The following CACNA1C variants were observed in gnomAD, a reference collection of about 807,000 sequenced individuals.
CACNA1C encodes the protein voltage-dependent L-type calcium channel subunit alpha-1C.
A neutral mutation model predicts 229.0 loss-of-function variants in CACNA1C; 30 were observed. The observed-to-expected ratio is 0.13, with a 90% confidence interval of 0.10 to 0.18. The LOEUF is 0.18. Among genes scored for constraint, CACNA1C ranks in the 10% least tolerant of loss-of-function variants. The probability of loss-of-function intolerance (pLI) is 1.00; values close to 1 mark genes in which losing one functional copy is unlikely to be tolerated. For synonymous variants in CACNA1C, 1,114 were observed against 1,132.5 expected, an observed-to-expected ratio of 0.98 and a Z score of 0.33; for missense variants, 1,658 against 2,845.0, an observed-to-expected ratio of 0.58 and a Z score of 9.49.
chr12:2,594,357 G>A (rs1289464947), intron 19 of CACNA1C, among the ~76,000 whole-genome samples: 2 of 152,152 alleles, frequency 1.3e-5, no homozygotes, highest in Non-Finnish European at 2.9e-5. Flanking sequence ...TGTCCTCCCT[G>A]TTTCTTAGAG....
chr12:2,605,213 G>A lies in CACNA1C; in HGVS notation c.3048+45G>A, dbSNP rs760557641. The A allele has an allele frequency of 8.1e-6, 11 of 1,354,992 alleles. No homozygotes were observed. Among genetic ancestry groups the A allele is most frequent in the African/African-American group, 1.4e-5 (1 of 69,792 alleles). 83.9% of individuals were successfully genotyped at this position (1,354,992 alleles called of 1,614,324 possible). ...AGGGAGTCTCCAGCCAGCCCATTGG[G>A]GAGTGGGAGCTCCACAGAGGTGAGG... On this transcript the variant is annotated intron_variant, in intron 23 of 46. Transcript: ENST00000399655. The surrounding 1 kb of genome is among the most constrained non-coding windows in gnomAD (Gnocchi z 6.2).
chr12:2,309,495 A>G (rs2095302098), intron 3 of CACNA1C, among the ~76,000 whole-genome samples: 1 of 147,578 alleles, frequency 6.8e-6, no homozygotes, highest in Non-Finnish European at 1.5e-5. Flanking sequence ...ACACACATAC[A>G]CACACACACA....
intron 3 of CACNA1C, among the ~76,000 whole-genome samples, chr12:2,255,920 C>G (rs1386968487): frequency 6.6e-6 from 1 of 151,834 alleles, no homozygotes; most frequent in African/African-American, 2.4e-5. Context: ...CGACCCTGAC[C>G]TTACTAGTTT....
At chr12:1,978,131 C>T (rs1292445092) in intron 1 of CACNA1C, among the ~76,000 whole-genome samples, 1 of 152,122 alleles carries the variant, frequency 6.6e-6, no homozygotes. Context: ...AAAGAGAAAT[C>T]TTGCTTCTCT....
intron 3 of CACNA1C, among the ~76,000 whole-genome samples, chr12:2,334,643 AAAT>A (rs1399819508): frequency 6.6e-6 from 1 of 152,140 alleles, no homozygotes; most frequent in African/African-American, 2.4e-5. Flanking sequence ...CGTTTCTACA[AAAT>A]AATATTTTTT....
intron 28 of CACNA1C, 45 bp downstream of exon 28, chr12:2,610,744 G>C: frequency 6.2e-7 from 1 of 1,602,054 alleles, no homozygotes; most frequent in Non-Finnish European, 8.6e-7. Flanking sequence ...AGAAGGGAGT[G>C]TGCCATGGGG....
At chr12:2,234,424 C>T (rs1031691437) in intron 3 of CACNA1C, among the ~76,000 whole-genome samples, 3 of 152,164 alleles carry the variant, frequency 2.0e-5, no homozygotes, top group Admixed American at 2.0e-4. Flanking sequence ...TGTGAGGGCA[C>T]CATGGGTCAC....
At chr12:2,450,395 A>G (rs1210681478) in intron 4 of CACNA1C, among the ~76,000 whole-genome samples, 1 of 151,774 alleles carries the variant, frequency 6.6e-6, no homozygotes, top group Non-Finnish European at 1.5e-5. Context: ...TCTACTAAAA[A>G]TACAAAAACT....
chr12:2,569,327 C>G (rs564814104), intron 13 of CACNA1C, among the ~76,000 whole-genome samples: 1 of 151,748 alleles, frequency 6.6e-6, no homozygotes, highest in African/African-American at 2.4e-5. Context: ...TAATTCATAT[C>G]CCATATATTT....
chr12:2,573,360 T>C (rs1008523658), intron 13 of CACNA1C, among the ~76,000 whole-genome samples: 2 of 152,260 alleles, frequency 1.3e-5, no homozygotes, highest in African/African-American at 4.8e-5. Context: ...TTCTCCATAC[T>C]GTAGTCTCTA....
At chr12:2,245,681 T>C (rs1379065597) in intron 3 of CACNA1C, among the ~76,000 whole-genome samples, 1 of 152,198 alleles carries the variant, frequency 6.6e-6, no homozygotes, top group African/African-American at 2.4e-5. Flanking sequence ...GAAAGTTCAT[T>C]TATTATCCCT....
At position 2,665,111 on chromosome 12, in the gene CACNA1C, G is replaced by A; in HGVS notation, c.4398+121G>A. On this transcript the variant is annotated intron_variant, in intron 35 of 46. Transcript: ENST00000399655. This position sits in a 1 kb window ranked among gnomAD's most constrained non-coding sequence, Gnocchi z 5.9. ...CCTATCAGAGGAGCTGGCTTGGGAA[G>A]ACTAAGTTGGCAGGAGTGTCCAGCC... 1 of 1,039,322 alleles carries A rather than the reference G, an allele frequency of 9.6e-7. No individual in the cohort carries two copies. The highest frequency in any genetic ancestry group is 1.4e-6 in the Non-Finnish European group (1 of 706,516). The allele number at this position is 1,039,322 out of a possible 1,614,324, so 64.4% of individuals were successfully genotyped here. A position where few individuals can be genotyped will look rare whatever the true frequency, so the allele number is the denominator to read the frequency against.
intron 3 of CACNA1C, among the ~76,000 whole-genome samples, chr12:2,129,648 C>A (rs2091592920): frequency 6.6e-6 from 1 of 152,164 alleles, no homozygotes; most frequent in Non-Finnish European, 1.5e-5. Context: ...GAACATATTT[C>A]ATCCTTTTTC....
At chr12:2,667,483 T>C (rs1354544390) in intron 37 of CACNA1C, among the ~76,000 whole-genome samples, 1 of 152,202 alleles carries the variant, frequency 6.6e-6, no homozygotes, top group Non-Finnish European at 1.5e-5. Flanking sequence ...CTACTTGTGC[T>C]CTGTTTACTG....
chr12:2,384,644 A>G (rs1014635736), intron 3 of CACNA1C, among the ~76,000 whole-genome samples: 1 of 152,152 alleles, frequency 6.6e-6, no homozygotes, highest in Non-Finnish European at 1.5e-5. Flanking sequence ...GCAACAGTGA[A>G]AGGGAAGGGA....
chr12:2,540,129 C>T (rs1019117630), intron 9 of CACNA1C, among the ~76,000 whole-genome samples: 4 of 152,168 alleles, frequency 2.6e-5, no homozygotes, highest in Admixed American at 6.5e-5. Flanking sequence ...CACCCACGGA[C>T]GTCCTGCTAG....
intron 13 of CACNA1C, among the ~76,000 whole-genome samples, chr12:2,570,771 C>T (rs2053929293): frequency 6.6e-6 from 1 of 152,120 alleles, no homozygotes; most frequent in South Asian, 2.1e-4. Context: ...TGGGAATTAC[C>T]TGCTGTGAGA....
At chr12:2,650,094 C>T (rs1457598204) in intron 31 of CACNA1C, among the ~76,000 whole-genome samples, 1 of 152,078 alleles carries the variant, frequency 6.6e-6, no homozygotes, top group East Asian at 1.9e-4. Context: ...TTGAGGGGAA[C>T]GGGAGCCTTA....
At chr12:2,206,579 G>A (rs1361898620) in intron 3 of CACNA1C, among the ~76,000 whole-genome samples, 3 of 152,184 alleles carry the variant, frequency 2.0e-5, no homozygotes, top group Admixed American at 6.5e-5. Context: ...ATGAGATGAT[G>A]TGTGTACCCA....
Sources: allele counts gnomAD v4.1 joint callset (sites outside exome capture counted in the v4.1 genomes callset), GRCh38; gene constraint gnomAD v4.1.1; non-coding constraint Gnocchi (gnomAD v3.1); transcripts MANE v1.5; gene names NCBI Gene and HGNC (gene_info 2026-07-23, HGNC 2026-07-21).